The following MAGI2 variants were observed in gnomAD, a reference collection of about 807,000 sequenced individuals.
The protein encoded by MAGI2 is membrane-associated guanylate kinase, WW and PDZ domain-containing protein 2.
Under a neutral mutation model 133.3 loss-of-function variants are expected in MAGI2, and 35 were observed. The ratio of observed to expected loss-of-function variants is 0.26; its 90% CI spans 0.20 to 0.35. The LOEUF (loss-of-function observed/expected upper bound fraction) is 0.35, where lower values mean the gene tolerates loss of function less well. MAGI2 is among the 10% of genes least tolerant of loss of function. The pLI is 1.00. For synonymous variants in MAGI2, 729 were observed against 710.6 expected (o/e 1.03, Z -0.41); for missense variants, 1,636 against 1,863.4 (o/e 0.88, Z 2.25).
chr7:78,228,822 T>C (rs1789669205), intron 10 of MAGI2, among the ~76,000 whole-genome samples: 1 of 152,210 alleles, frequency 6.6e-6, no homozygotes, highest in South Asian at 2.1e-4. Context: ...TTGAAAACCT[T>C]TGTAGCTGAG....
At position 78,994,486 on chromosome 7, in the gene MAGI2, T is replaced by C. The variant is rs142558442; in HGVS notation, c.418+12604A>G. Among the ~76,000 whole-genome samples the C allele has an allele frequency of 9.2e-3, 1,406 of 152,248 alleles. 20 individuals carry two copies. The highest frequency in any genetic ancestry group is 0.033 in the African/African-American group (1,360 of 41,560). ...ATTTTCATGATTTTTTCCCTGCTTT[T>C]GTGGAAACATTAGACAGTAAATATA... is the stretch of plus-strand genomic sequence containing the variant. On this transcript the variant is annotated intron_variant, in intron 2 of 21. Coordinates refer to ENST00000354212, the MANE Select transcript of MAGI2 (RefSeq NM_012301.4).
chr7:78,846,600 GTTC>G (rs1425396020), intron 2 of MAGI2, among the ~76,000 whole-genome samples: 46 of 151,924 alleles, frequency 3.0e-4, no homozygotes, highest in Admixed American at 3.0e-3. Flanking sequence ...GTTCCTAGAC[GTTC>G]TTCTTTGAAG....
intron 2 of MAGI2, among the ~76,000 whole-genome samples, chr7:78,766,218 A>G (rs1318261822): frequency 6.6e-6 from 1 of 152,194 alleles, no homozygotes; most frequent in African/African-American, 2.4e-5. Context: ...CCAAAGTTTT[A>G]GAACAAATCT....
intron 6 of MAGI2, among the ~76,000 whole-genome samples, chr7:78,432,097 A>G (rs1432070662): frequency 6.6e-6 from 1 of 151,918 alleles, no homozygotes; most frequent in East Asian, 1.9e-4. Flanking sequence ...ACAACACATG[A>G]GGCAGTAGGT....
intron 1 of MAGI2, among the ~76,000 whole-genome samples, chr7:79,256,811 A>G (rs1046827853): frequency 5.3e-5 from 8 of 152,104 alleles, no homozygotes; most frequent in Non-Finnish European, 1.2e-4. Flanking sequence ...TAAAATTTAT[A>G]TAATAAAATA....
chr7:78,713,792 G>T (rs1465759193), intron 2 of MAGI2, among the ~76,000 whole-genome samples: 1 of 152,084 alleles, frequency 6.6e-6, no homozygotes, highest in Middle Eastern at 3.2e-3. Context: ...ATGGAAAAAT[G>T]CATGGAGAAC....
Position 79,147,793 on chromosome 7 carries a change from C to A in MAGI2, c.302-140587G>T, listed in dbSNP as rs558564112. On this transcript the variant is annotated intron_variant, in intron 1 of 21. Coordinates refer to ENST00000354212, the MANE Select transcript of MAGI2 (RefSeq NM_012301.4). ...AGAATGGAGCAGGGAGAATGCAAAG[C>A]ATGAGGGTGGCAGCAGCTCTGGGTG... 2.0e-5 allele frequency among the ~76,000 whole-genome samples: 3 copies of A among 152,246 alleles called. No homozygotes were observed. In the South Asian group the frequency reaches 6.2e-4, roughly 32 times the overall value.
intron 2 of MAGI2, among the ~76,000 whole-genome samples, chr7:78,876,455 C>T (rs984367813): frequency 6.6e-6 from 1 of 151,780 alleles, no homozygotes; most frequent in African/African-American, 2.4e-5. Flanking sequence ...TAAGCCTAGC[C>T]TTCACTTGAT....
intron 2 of MAGI2, among the ~76,000 whole-genome samples, chr7:78,959,233 C>G (rs113391189): frequency 3.9e-4 from 60 of 152,176 alleles, no homozygotes; most frequent in African/African-American, 1.4e-3. Flanking sequence ...TTGGTTCATG[C>G]AAAGTTAGTC....
chr7:78,437,774 G>A (rs1338657205), intron 6 of MAGI2, among the ~76,000 whole-genome samples: 1 of 152,058 alleles, frequency 6.6e-6, no homozygotes, highest in Non-Finnish European at 1.5e-5. Context: ...ATGGTCCACA[G>A]CAGTTAACTG....
intron 2 of MAGI2, among the ~76,000 whole-genome samples, chr7:78,701,150 A>C (rs757261614): frequency 5.9e-5 from 9 of 151,824 alleles, no homozygotes; most frequent in Non-Finnish European, 1.3e-4. Context: ...ACTGAACATT[A>C]ATTATAAATT....
At chr7:78,961,594 C>G in intron 2 of MAGI2, among the ~76,000 whole-genome samples, 1 of 151,974 alleles carries the variant, frequency 6.6e-6, no homozygotes, top group Non-Finnish European at 1.5e-5. Flanking sequence ...TTTAATAATC[C>G]TCATTATAAC....
intron 1 of MAGI2, among the ~76,000 whole-genome samples, chr7:79,031,217 C>T (rs1810537535): frequency 6.6e-6 from 1 of 152,170 alleles, no homozygotes; most frequent in Non-Finnish European, 1.5e-5. Context: ...CCCACAACTC[C>T]ATTCTCATCA....
intron 3 of MAGI2, among the ~76,000 whole-genome samples, chr7:78,526,118 A>G (rs969815432): frequency 1.3e-5 from 2 of 152,246 alleles, no homozygotes; most frequent in African/African-American, 4.8e-5. Flanking sequence ...GAAAACTTAT[A>G]TCTCTTTGAC....
chr7:78,775,320 TAAAAAAAAAAAAAAAAAAAA>T lies in MAGI2; in HGVS notation c.419-148101_419-148082del, dbSNP rs3086258. 8.4e-4 allele frequency among the ~76,000 whole-genome samples: 48 copies of T among 57,380 alleles called. 1 individual carries two copies. Among genetic ancestry groups the T allele is most frequent in the African/African-American group, 2.2e-3 (32 of 14,372 alleles). The allele number at this position is 57,380 out of a possible 152,430, so 37.6% of individuals were successfully genotyped here. Reference sequence around the variant, plus strand: ...AGAGCGAGACTCTGTCGTCTCAAATTAAAAAAAAAAAAAAAAAAAAAAAAAAAAAAAAAAAAGGAAGCCTA... The same window carrying T: ...AGAGCGAGACTCTGTCGTCTCAAATTAAAAAAAAAAAAAAAAGGAAGCCTA... On this transcript the variant is annotated intron_variant, in intron 2 of 21. Coordinates refer to ENST00000354212, the MANE Select transcript of MAGI2 (RefSeq NM_012301.4).
chr7:79,274,641 C>G (rs1041940638), intron 1 of MAGI2, among the ~76,000 whole-genome samples: 1 of 151,804 alleles, frequency 6.6e-6, no homozygotes, highest in African/African-American at 2.4e-5. Context: ...AAAATGCATA[C>G]TTTCTTTATT....
intron 6 of MAGI2, among the ~76,000 whole-genome samples, chr7:78,435,538 G>A (rs1800201966): frequency 6.6e-6 from 1 of 152,022 alleles, no homozygotes; most frequent in South Asian, 2.1e-4. Context: ...AACTCCATAA[G>A]CCAAGAAAAC....
chr7:78,759,668 AT>A (rs1163396844), intron 2 of MAGI2, among the ~76,000 whole-genome samples: 1 of 152,246 alleles, frequency 6.6e-6, no homozygotes. Flanking sequence ...AAAATTGTTA[AT>A]TAGAAAAAAA....
At chr7:78,400,927 G>C (rs539334052) in intron 6 of MAGI2, among the ~76,000 whole-genome samples, 1 of 151,950 alleles carries the variant, frequency 6.6e-6, no homozygotes, top group Non-Finnish European at 1.5e-5. Context: ...TATCTTTCTC[G>C]CTGTCATAGT....
Sources: allele counts gnomAD v4.1 joint callset (sites outside exome capture counted in the v4.1 genomes callset), GRCh38; gene constraint gnomAD v4.1.1; transcripts MANE v1.5; gene names NCBI Gene and HGNC (gene_info 2026-07-23, HGNC 2026-07-21).